ATXN8OS: variants seen among roughly 807,000 people sequenced by gnomAD.
The protein encoded by ATXN8OS is ATXN8 opposite strand (non-protein coding).
chr13:70,130,855 A>G (rs953918378), intron 3 of ATXN8OS: 1 of 398,548 alleles, frequency 2.5e-6, no homozygotes, highest in Non-Finnish European at 4.4e-6. Flanking sequence ...GAAGGTATAG[A>G]GAAGGCAGCA....
chr13:70,149,327 G>A (rs1888834795), intron 4 of ATXN8OS, among the ~76,000 whole-genome samples: 1 of 152,054 alleles, frequency 6.6e-6, no homozygotes, highest in Non-Finnish European at 1.5e-5. Context: ...GTAAAATGTA[G>A]CATTTTGTTG....
chr13:70,169,743 T>C (rs1758742846), intron 4 of ATXN8OS, among the ~76,000 whole-genome samples: 2 of 152,056 alleles, frequency 1.3e-5, no homozygotes, highest in African/African-American at 2.4e-5. Context: ...AAACTTTCCT[T>C]CTGTGATAGG....
Position 70,167,723 on chromosome 13 carries a change from CTTTTTTTTTTT to C in ATXN8OS, n.574-2014_574-2004del, listed in dbSNP as rs4053603. ...AATACTATCACAACATATGTAACTT[CTTTTTTTTTTT>C]TTTTTTTTTTTTTTTGAGACAGACA... On this transcript the variant is annotated intron_variant and non_coding_transcript_variant, in intron 4 of 4. Transcript: ENST00000678624. Among the ~76,000 whole-genome samples the C allele has an allele frequency of 4.4e-4, 27 of 61,884 alleles. 1 individual carries two copies. Among genetic ancestry groups the C allele is most frequent in the Admixed American group, 2.5e-4 (1 of 4,034 alleles). 40.6% of individuals were successfully genotyped at this position (61,884 alleles called of 152,430 possible).
At chr13:70,108,061 T>C in intron 1 of ATXN8OS, 1 of 418,906 alleles carries the variant, frequency 2.4e-6, no homozygotes, top group South Asian at 9.0e-5. Flanking sequence ...GGGAGGGAGG[T>C]CTGAGCGCTC....
At chr13:70,141,619 C>G (rs1302429625) in intron 3 of ATXN8OS, among the ~76,000 whole-genome samples, 1 of 151,674 alleles carries the variant, frequency 6.6e-6, no homozygotes, top group South Asian at 2.1e-4. Flanking sequence ...TGTGTGTGTA[C>G]GTATATATAT....
intron 3 of ATXN8OS, among the ~76,000 whole-genome samples, chr13:70,134,181 A>G (rs1244621321): frequency 1.3e-5 from 2 of 152,222 alleles, no homozygotes; most frequent in African/African-American, 2.4e-5. Flanking sequence ...AGGTACCTGT[A>G]GGCCATCCGT....
At chr13:70,135,660 G>A (rs964716436) in intron 3 of ATXN8OS, among the ~76,000 whole-genome samples, 1 of 151,878 alleles carries the variant, frequency 6.6e-6, no homozygotes, top group Non-Finnish European at 1.5e-5. Flanking sequence ...CTTAATAACA[G>A]CACTTCTTAT....
intron 4 of ATXN8OS, among the ~76,000 whole-genome samples, chr13:70,155,889 A>G (rs1888929682): frequency 6.6e-6 from 1 of 151,028 alleles, no homozygotes; most frequent in Non-Finnish European, 1.5e-5. Context: ...ATTTCTTGCT[A>G]CTCCTCATTT....
rs146034082 is a variant in ATXN8OS at position 70,117,610 on chromosome 13, G to A, written n.398+2312G>A. On this transcript the variant is annotated intron_variant and non_coding_transcript_variant, in intron 2 of 4. Coordinates refer to ENST00000678624, the Ensembl canonical transcript of ATXN8OS. ...GGAAAGCAACATTGTAGAATGGAAC[G>A]TCACAGGCTTTGAAATCAAATCATG... 4.6e-5 allele frequency among the ~76,000 whole-genome samples: 7 copies of A among 152,168 alleles called. No homozygotes were observed. The East Asian group carries it at 5.8e-4, about 13-fold the overall frequency.
intron 2 of ATXN8OS, among the ~76,000 whole-genome samples, chr13:70,127,364 A>G (rs1888453790): frequency 6.6e-6 from 1 of 152,054 alleles, no homozygotes; most frequent in African/African-American, 2.4e-5. Context: ...ATTTCTAAGC[A>G]TAATAAAATG....
intron 4 of ATXN8OS, among the ~76,000 whole-genome samples, chr13:70,153,383 G>C (rs970674702): frequency 6.6e-6 from 1 of 151,860 alleles, no homozygotes; most frequent in Admixed American, 6.6e-5. Flanking sequence ...GACCAGTCTG[G>C]CCAACATAGT....
chr13:70,117,806 G>A (rs1416011576), intron 2 of ATXN8OS, among the ~76,000 whole-genome samples: 1 of 152,038 alleles, frequency 6.6e-6, no homozygotes, highest in Admixed American at 6.6e-5. Context: ...GGTAGATATT[G>A]ATGTTTACTT....
At chr13:70,158,670 C>T (rs1888965388) in intron 4 of ATXN8OS, among the ~76,000 whole-genome samples, 1 of 152,178 alleles carries the variant, frequency 6.6e-6, no homozygotes, top group African/African-American at 2.4e-5. Context: ...TACAGTTTAG[C>T]ATGAAAGAAG....
At chr13:70,167,739 T>TTTG (rs67225755) in intron 4 of ATXN8OS, among the ~76,000 whole-genome samples, 7 of 111,336 alleles carry the variant, frequency 6.3e-5, no homozygotes, top group South Asian at 3.3e-4. Context: ...TTTTTTTTTT[T>TTTG]TTTTTTTTTT....
intron 3 of ATXN8OS, among the ~76,000 whole-genome samples, chr13:70,138,254 T>A (rs1280464099): frequency 6.6e-6 from 1 of 152,154 alleles, no homozygotes; most frequent in Non-Finnish European, 1.5e-5. Flanking sequence ...TTTAATTCAG[T>A]TACTTGTACC....
At chr13:70,159,603 A>C (rs1231422365) in intron 4 of ATXN8OS, among the ~76,000 whole-genome samples, 1 of 152,152 alleles carries the variant, frequency 6.6e-6, no homozygotes, top group Non-Finnish European at 1.5e-5. Context: ...GGACATTAGC[A>C]TATGTATACA....
At chr13:70,118,694 T>C (rs1325165711) in intron 2 of ATXN8OS, among the ~76,000 whole-genome samples, 1 of 152,126 alleles carries the variant, frequency 6.6e-6, no homozygotes, top group Non-Finnish European at 1.5e-5. Context: ...CTAGAATAAT[T>C]TGTATTATAA....
At chr13:70,165,709 A>C (rs1463386412) in intron 4 of ATXN8OS, among the ~76,000 whole-genome samples, 1 of 152,026 alleles carries the variant, frequency 6.6e-6, no homozygotes, top group Non-Finnish European at 1.5e-5. Flanking sequence ...TCAGGGAAGC[A>C]AATTCTAAGA....
intron 4 of ATXN8OS, among the ~76,000 whole-genome samples, chr13:70,160,185 C>A (rs1888987444): frequency 6.6e-6 from 1 of 151,790 alleles, no homozygotes; most frequent in Non-Finnish European, 1.5e-5. Flanking sequence ...AGCACTCAGT[C>A]TGTTGACTTA....
Sources: allele counts gnomAD v4.1 joint callset (sites outside exome capture counted in the v4.1 genomes callset), GRCh38; gene constraint gnomAD v4.1.1; transcripts MANE v1.5; gene names NCBI Gene and HGNC (gene_info 2026-07-23, HGNC 2026-07-21).